CERKL: variants seen among roughly 807,000 people sequenced by gnomAD.
CERKL encodes the protein CERK like autophagy regulator.
CERKL carries 61 observed loss-of-function variants against 63.4 expected under a neutral mutation model. The ratio of observed to expected loss-of-function variants is 0.96; its 90% CI spans 0.78 to 1.19. CERKL has a LOEUF of 1.19. Among genes scored for constraint, CERKL ranks in the 50% most tolerant of loss-of-function variants. CERKL has a pLI of 0.00. For synonymous variants in CERKL, 250 were observed against 230.5 expected (o/e 1.08, Z -0.77); for missense variants, 675 against 655.5 (o/e 1.03, Z -0.33).
intron 2 of CERKL, among the ~76,000 whole-genome samples, chr2:181,592,152 C>T (rs2105877441): frequency 6.6e-6 from 1 of 152,244 alleles, no homozygotes; most frequent in East Asian, 1.9e-4. Flanking sequence ...TATTTCAGTT[C>T]CAAGCACTTA....
intron 1 of CERKL, among the ~76,000 whole-genome samples, chr2:181,638,322 T>G (rs1362277071): frequency 2.6e-5 from 4 of 152,154 alleles, no homozygotes; most frequent in South Asian, 2.1e-4. Flanking sequence ...ATGAGCTTGA[T>G]TCCATATCTC....
chr2:181,573,194 A>G (rs892376822), intron 3 of CERKL, among the ~76,000 whole-genome samples: 2 of 152,198 alleles, frequency 1.3e-5, no homozygotes, highest in East Asian at 1.9e-4. Flanking sequence ...TCATCTATTA[A>G]GTTTAGCATT....
chr2:181,623,370 G>C (rs1318793857), intron 1 of CERKL, among the ~76,000 whole-genome samples: 1 of 152,146 alleles, frequency 6.6e-6, no homozygotes, highest in African/African-American at 2.4e-5. Flanking sequence ...AATGGATAAT[G>C]GGTTTTATGT....
At chr2:181,585,518 C>T (rs1289373064) in intron 2 of CERKL, among the ~76,000 whole-genome samples, 1 of 151,874 alleles carries the variant, frequency 6.6e-6, no homozygotes, top group Non-Finnish European at 1.5e-5. Context: ...AATAAAGAAC[C>T]AGAGTTATCA....
intron 1 of CERKL, among the ~76,000 whole-genome samples, chr2:181,623,413 T>C (rs1460230223): frequency 2.6e-5 from 4 of 152,226 alleles, no homozygotes; most frequent in Non-Finnish European, 5.9e-5. Flanking sequence ...GTATTTCACA[T>C]ATCCCTAATA....
At chr2:181,574,560 A>G (rs1234406969) in intron 2 of CERKL, among the ~76,000 whole-genome samples, 1 of 152,180 alleles carries the variant, frequency 6.6e-6, no homozygotes, top group Non-Finnish European at 1.5e-5. Flanking sequence ...GAGATTTGAT[A>G]CTACAATTTT....
intron 11 of CERKL, among the ~76,000 whole-genome samples, chr2:181,542,859 G>C (rs1574430688): frequency 6.6e-6 from 1 of 152,106 alleles, no homozygotes; most frequent in Non-Finnish European, 1.5e-5. Context: ...TTATGTGTAA[G>C]GTAACCATTG....
chr2:181,594,985 G>A (rs922140506), intron 2 of CERKL, among the ~76,000 whole-genome samples: 4 of 152,030 alleles, frequency 2.6e-5, no homozygotes, highest in Admixed American at 6.6e-5. Context: ...AAAGTATTAT[G>A]TATTTCCTAT....
At chr2:181,542,761 G>A (rs540316719) in intron 11 of CERKL, among the ~76,000 whole-genome samples, 5 of 152,224 alleles carry the variant, frequency 3.3e-5, no homozygotes, top group Non-Finnish European at 5.9e-5. Context: ...GAGTACATGA[G>A]AAAATATGAT....
At chr2:181,638,048 G>T (rs1687258647) in intron 1 of CERKL, among the ~76,000 whole-genome samples, 1 of 152,130 alleles carries the variant, frequency 6.6e-6, no homozygotes, top group Admixed American at 6.5e-5. Context: ...TTATAGTTAG[G>T]AATCAGGACT....
rs115889450 is a variant in CERKL at position 181,599,154 on chromosome 2, A to G, written c.481+4683T>C. Reference sequence around the variant, plus strand: ...TTCAAATAAACCAGAAACACAATGCAGGATATGAAACATGAGATAGCCATA... The same window carrying G: ...TTCAAATAAACCAGAAACACAATGCGGGATATGAAACATGAGATAGCCATA... On this transcript the variant is annotated intron_variant, in intron 2 of 12. Transcript: ENST00000410087. Among the ~76,000 whole-genome samples the G allele has an allele frequency of 7.0e-3, 1,062 of 152,342 alleles. 17 individuals are homozygous for G. The highest frequency in any genetic ancestry group is 0.024 in the African/African-American group (1,009 of 41,576).
chr2:181,574,011 G>C, intron 2 of CERKL, 127 bp from the exon 3 acceptor site: 1 of 856,270 alleles, frequency 1.2e-6, no homozygotes, highest in Non-Finnish European at 1.8e-6. Context: ...ATTTTTATTT[G>C]AAATTCTTGC....
chr2:181,620,794 A>G, intron 1 of CERKL, among the ~76,000 whole-genome samples: 1 of 152,166 alleles, frequency 6.6e-6, no homozygotes, highest in South Asian at 2.1e-4. Flanking sequence ...GGAAGATAAA[A>G]AGAAACTGTC....
intron 1 of CERKL, among the ~76,000 whole-genome samples, chr2:181,609,533 TAAAAAAAAAAAA>T (rs869037405): frequency 1.4e-5 from 1 of 70,216 alleles, no homozygotes; most frequent in Non-Finnish European, 2.8e-5. Flanking sequence ...CTGTCTCTAC[TAAAAAAAAAAAA>T]AAAAAAAAAA....
At chr2:181,574,723 TA>T (rs1689050844) in intron 2 of CERKL, among the ~76,000 whole-genome samples, 1 of 152,170 alleles carries the variant, frequency 6.6e-6, no homozygotes, top group African/African-American at 2.4e-5. Flanking sequence ...GGGCCACGTT[TA>T]AAGATTAAAC....
chr2:181,602,855 A>C (rs1220962292), intron 2 of CERKL, among the ~76,000 whole-genome samples: 1 of 152,242 alleles, frequency 6.6e-6, no homozygotes, highest in African/African-American at 2.4e-5. Context: ...ACAAGAAGAA[A>C]TGAATTAACA....
chr2:181,631,601 T>C (rs1385475890), intron 1 of CERKL, among the ~76,000 whole-genome samples: 1 of 152,076 alleles, frequency 6.6e-6, no homozygotes, highest in Non-Finnish European at 1.5e-5. Flanking sequence ...ACCTCTGTCC[T>C]AGGAGCTCAT....
intron 2 of CERKL, among the ~76,000 whole-genome samples, chr2:181,600,143 G>T (rs901584424): frequency 2.0e-5 from 3 of 152,112 alleles, no homozygotes; most frequent in African/African-American, 7.2e-5. Flanking sequence ...TCTTTCCCAG[G>T]CAAGAAAACA....
chr2:181,541,970 C>T (rs980234738), intron 11 of CERKL, among the ~76,000 whole-genome samples: 5 of 152,086 alleles, frequency 3.3e-5, no homozygotes, highest in African/African-American at 4.8e-5. Context: ...GCAGATAAGA[C>T]GAGATGACAG....
Sources: gnomAD v4.1 joint callset for allele counts (sites outside exome capture counted in the v4.1 genomes callset) on GRCh38, gnomAD v4.1.1 for gene constraint, MANE v1.5 for transcripts, NCBI Gene and HGNC (gene_info 2026-07-23, HGNC 2026-07-21) for gene names.